Variants in BCAS1 observed in about 807,000 individuals in gnomAD.
BCAS1 encodes brain enriched myelin associated protein 1.
BCAS1 carries 46 observed loss-of-function variants against 65.4 expected under a neutral mutation model. The observed-to-expected ratio is 0.70, with a 90% CI of 0.55 to 0.90. The LOEUF is 0.90. BCAS1 is among the 40% of genes least tolerant of loss of function. The pLI is 0.00. For missense variants in BCAS1, 793 were observed against 771.2 expected (o/e 1.03, Z -0.33); for synonymous variants, 298 against 293.5 (o/e 1.02, Z -0.16).
chr20:54,066,077 CTT>C (rs11372357), intron 1 of BCAS1, among the ~76,000 whole-genome samples: 4 of 116,546 alleles, frequency 3.4e-5, no homozygotes, highest in Non-Finnish European at 2.0e-5. Context: ...TATTTTTTTT[CTT>C]TTTTTTTTTT....
chr20:54,049,188 A>G (rs771289347), intron 3 of BCAS1, among the ~76,000 whole-genome samples: 5 of 152,240 alleles, frequency 3.3e-5, no homozygotes, highest in Non-Finnish European at 7.3e-5. Flanking sequence ...TTTCAATCCA[A>G]TAAAATGATT....
intron 7 of BCAS1, among the ~76,000 whole-genome samples, chr20:53,989,257 AT>A (rs202036220): frequency 2.0e-5 from 3 of 151,652 alleles, no homozygotes; most frequent in South Asian, 2.1e-4. Flanking sequence ...GAAGTGACCA[AT>A]TTTTTTTTCT....
intron 4 of BCAS1, among the ~76,000 whole-genome samples, chr20:54,022,546 T>C (rs1227591142): frequency 6.6e-6 from 1 of 152,096 alleles, no homozygotes. Flanking sequence ...AAAACACAGG[T>C]TTTTAAATGA....
chr20:54,003,436 G>A (rs1401936500), intron 4 of BCAS1, among the ~76,000 whole-genome samples: 1 of 152,020 alleles, frequency 6.6e-6, no homozygotes, highest in Non-Finnish European at 1.5e-5. Flanking sequence ...CTCTCCCACC[G>A]ACGTTTTTCT....
chr20:53,960,481 AAAAAAAAAAAAAAAAGAG>A, intron 10 of BCAS1, among the ~76,000 whole-genome samples: 1 of 137,196 alleles, frequency 7.3e-6, no homozygotes, highest in Non-Finnish European at 1.6e-5. Flanking sequence ...AAAAAAAAAA[AAAAAAAAAAAAAAAAGAG>A]AGAGAGAGTA....
chr20:53,951,370 C>A (rs1189996810), intron 12 of BCAS1, among the ~76,000 whole-genome samples: 1 of 152,196 alleles, frequency 6.6e-6, no homozygotes, highest in Non-Finnish European at 1.5e-5. Context: ...ACTCGGGAGA[C>A]TGAAGCAAGA....
intron 1 of BCAS1, among the ~76,000 whole-genome samples, chr20:54,065,172 TTATC>T (rs951731087): frequency 7.6e-5 from 9 of 117,652 alleles, no homozygotes; most frequent in East Asian, 2.7e-4. Flanking sequence ...ATCATCTACT[TTATC>T]TATCTATCTC....
At chr20:53,983,304 G>A (rs1448702635) in intron 8 of BCAS1, among the ~76,000 whole-genome samples, 1 of 152,156 alleles carries the variant, frequency 6.6e-6, no homozygotes, top group Non-Finnish European at 1.5e-5. Flanking sequence ...TGTTCAGTGG[G>A]CACTTTTGTA....
At chr20:54,002,347 T>C (rs1600836445) in intron 4 of BCAS1, among the ~76,000 whole-genome samples, 1 of 152,340 alleles carries the variant, frequency 6.6e-6, no homozygotes. Flanking sequence ...CCTTGTTGCC[T>C]GATATCTTAA....
At chr20:53,946,520 T>C (rs1375237573) in intron 12 of BCAS1, among the ~76,000 whole-genome samples, 34 of 125,880 alleles carry the variant, frequency 2.7e-4, no homozygotes, top group African/African-American at 8.8e-4. Flanking sequence ...TATATATATA[T>C]ACACACACAC....
chr20:54,007,722 T>G (rs768611620), intron 4 of BCAS1, among the ~76,000 whole-genome samples: 1 of 147,782 alleles, frequency 6.8e-6, no homozygotes, highest in African/African-American at 2.7e-5. Flanking sequence ...TTTGAAATAT[T>G]TTTTTTTTCT....
chr20:54,046,016 A>G (rs6091815), intron 3 of BCAS1, among the ~76,000 whole-genome samples: 3,991 of 152,324 alleles, frequency 0.026, 186 homozygotes, highest in African/African-American at 0.092. Context: ...AATAAGAAAA[A>G]GAAAAAGACA....
In BCAS1 at chr20:54,035,418, A is replaced by G. The variant is rs1002135758; in HGVS notation, c.143-6446T>C. Reference sequence around the variant, plus strand: ...TCCGTCTCAAAAAAAAAAAAAAAAAAAAGAAGACATACAGGTAGTCAACAA... The same window carrying G: ...TCCGTCTCAAAAAAAAAAAAAAAAAGAAGAAGACATACAGGTAGTCAACAA... On this transcript the variant is annotated intron_variant, in intron 3 of 12. Coordinates refer to ENST00000688948, the MANE Select transcript of BCAS1 (RefSeq NM_001366298.2). Among the ~76,000 whole-genome samples the G allele has an allele frequency of 5.3e-5, 8 of 150,274 alleles. No homozygotes were observed. In the South Asian group the frequency reaches 8.4e-4, roughly 16 times the overall value.
intron 4 of BCAS1, among the ~76,000 whole-genome samples, chr20:54,015,989 A>G (rs2091430181): frequency 6.6e-6 from 1 of 152,252 alleles, no homozygotes; most frequent in Non-Finnish European, 1.5e-5. Context: ...ACTGCTGTCA[A>G]CAATTTGCAA....
chr20:53,995,361 A>C (rs1026978420), intron 5 of BCAS1, among the ~76,000 whole-genome samples: 4 of 152,214 alleles, frequency 2.6e-5, no homozygotes, highest in Admixed American at 2.6e-4. Context: ...ACACATGTGC[A>C]ACCCTCTGGT....
At chr20:53,971,167 G>T (rs1233866767) in intron 9 of BCAS1, among the ~76,000 whole-genome samples, 2 of 152,210 alleles carry the variant, frequency 1.3e-5, no homozygotes, top group African/African-American at 4.8e-5. Flanking sequence ...ACACACCTGT[G>T]CCCATTGATG....
intron 4 of BCAS1, among the ~76,000 whole-genome samples, chr20:54,023,186 C>T (rs1261556962): frequency 1.3e-5 from 2 of 152,194 alleles, no homozygotes; most frequent in Admixed American, 6.5e-5. Flanking sequence ...GTATTTACAA[C>T]TTTGCATATG....
intron 8 of BCAS1, among the ~76,000 whole-genome samples, chr20:53,976,927 TA>T (rs2090349545): frequency 6.6e-6 from 1 of 152,218 alleles, no homozygotes; most frequent in South Asian, 2.1e-4. Flanking sequence ...GCAGTAGTGT[TA>T]CTGTATTAAT....
intron 3 of BCAS1, among the ~76,000 whole-genome samples, chr20:54,046,092 T>C (rs900975605): frequency 3.3e-5 from 5 of 152,216 alleles, no homozygotes; most frequent in Non-Finnish European, 7.3e-5. Context: ...AATTGGTATG[T>C]ATGTAAGTAT....
Sources: gnomAD v4.1 joint callset for allele counts (sites outside exome capture counted in the v4.1 genomes callset) on GRCh38, gnomAD v4.1.1 for gene constraint, MANE v1.5 for transcripts, NCBI Gene and HGNC (gene_info 2026-07-23, HGNC 2026-07-21) for gene names.